Variants in HERC2 observed in about 807,000 individuals in gnomAD.
The protein encoded by HERC2 is HECT and RLD domain containing E3 ubiquitin protein ligase 2, also known as E3 ubiquitin-protein ligase HERC2.
A neutral mutation model predicts 537.7 loss-of-function variants in HERC2; 102 were observed. That is an observed-to-expected ratio of 0.19 (90% confidence interval 0.16 to 0.22). HERC2 has a LOEUF of 0.22. Among genes scored for constraint, HERC2 ranks in the 10% least tolerant of loss-of-function variants. The pLI, the probability that HERC2 is intolerant of heterozygous loss-of-function variation, is 1.00. For missense variants in HERC2, 4,236 were observed against 6,198.2 expected (o/e 0.68, Z 10.63); for synonymous variants, 2,224 against 2,466.2 (o/e 0.90, Z 2.91).
Position 28,270,821 on chromosome 15 carries a change from G to A in HERC2, c.1131C>T (p.Leu377=). 1.9e-6 allele frequency: 3 copies of A among 1,613,966 alleles called. No homozygotes were observed. Among genetic ancestry groups the A allele is most frequent in the Middle Eastern group, 1.7e-4 (1 of 6,044 alleles). ...LSPNESFLRY[L]TLPQDNELAI... is the part of the protein sequence containing the mutation. ...CAAGCTCGTTGTCTTGTGGAAGGGTGAGGTACCTCAGGAAACTCTCATTGG... is the reference window on the plus strand; with the variant it reads ...CAAGCTCGTTGTCTTGTGGAAGGGTAAGGTACCTCAGGAAACTCTCATTGG... Residue 377 remains leucine (L), a synonymous_variant, in exon 10 of 93, where the codon CTC becomes CTT. Transcript: ENST00000261609.
rs909388772 is a variant in HERC2, at chr15:28,122,109, G to A, written c.13189-680C>T. On this transcript the variant is annotated intron_variant, in intron 85 of 92. Transcript: ENST00000261609. The surrounding 1 kb of genome is among the most constrained non-coding windows in gnomAD (Gnocchi z 4.1). ...TGGATCGGGACAGAAAAGACAGACC[G>A]GGGAGGGGAAACAAGGTCCTGGCTG... 0.05 allele frequency among the ~76,000 whole-genome samples: 8 copies of A among 160 alleles called. No individual in the cohort carries two copies. Among genetic ancestry groups the A allele is most frequent in the African/African-American group, 0.06 (6 of 100 alleles). 0.1% of individuals were successfully genotyped at this position (160 alleles called of 152,430 possible).
intron 3 of HERC2, among the ~76,000 whole-genome samples, chr15:28,295,308 T>TGGGGGG (rs3079935): frequency 5.0e-5 from 4 of 79,622 alleles, no homozygotes; most frequent in African/African-American, 9.5e-5. Flanking sequence ...TACATGTGTG[T>TGGGGGG]GGGGGGGGGG....
chr15:28,269,243 C>A lies in HERC2; in HGVS notation c.1446+5G>T. The stretch of plus-strand genomic sequence containing the variant: ...CACTGCAGGCACAGTGCCCAGAACA[C>A]TCACCAGCGTGTCACTATTATAGGC... On this transcript the variant is annotated splice_donor_5th_base_variant and intron_variant, in intron 11 of 92. Coordinates refer to ENST00000261609, the MANE Select transcript of HERC2 (RefSeq NM_004667.6). The A allele has an allele frequency of 6.2e-7, 1 of 1,612,018 alleles. No homozygotes were observed. Among genetic ancestry groups the A allele is most frequent in the Non-Finnish European group, 8.5e-7 (1 of 1,178,846 alleles).
At chr15:28,251,442 CG>C (rs773028546) in intron 20 of HERC2, among the ~76,000 whole-genome samples, 5 of 147,012 alleles carry the variant, frequency 3.4e-5, no homozygotes, top group Admixed American at 1.4e-4. Flanking sequence ...GGCTCCATCT[CG>C]GGGGAAAAAA....
chr15:28,112,718 C>T (rs763503700), intron 92 of HERC2, among the ~76,000 whole-genome samples: 1 of 152,106 alleles, frequency 6.6e-6, no homozygotes, highest in Non-Finnish European at 1.5e-5. Context: ...CTCAATCCAA[C>T]GAGCGGCCTC....
In HERC2 at chr15:28,186,613, T is replaced by C; in HGVS notation, c.8789A>G (p.Asn2930Ser). 1 of 1,614,140 alleles carries C rather than the reference T, an allele frequency of 6.2e-7. No homozygotes were observed. The highest frequency in any genetic ancestry group is 8.5e-7 in the Non-Finnish European group (1 of 1,180,010). ...LAAVPFLASD[N>S]EEEEDEKGNS... is the part of the protein sequence containing the mutation. ...GCCTTTCTCATCCTCCTCCTCTTCATTATCCGAAGCTAAGAAAGGAACTGC... is the reference window on the plus strand; with the variant it reads ...GCCTTTCTCATCCTCCTCCTCTTCACTATCCGAAGCTAAGAAAGGAACTGC... The change falls in exon 56 of 93, where the codon AAT becomes AGT. Residue 2930 changes from asparagine to serine, a missense_variant. This residue lies in a region of HERC2 where 606 missense variants were observed against 884.5 expected (regional missense o/e 0.69). Coordinates refer to ENST00000261609, the MANE Select transcript of HERC2 (RefSeq NM_004667.6).
At chr15:28,209,403 A>G (rs960557967) in intron 44 of HERC2, among the ~76,000 whole-genome samples, 20 of 151,794 alleles carry the variant, frequency 1.3e-4, no homozygotes, top group Admixed American at 6.6e-4. Flanking sequence ...GAGTGCAGTG[A>G]CACGATCTCG....
chr15:28,191,088 G>C (rs1470539202), intron 54 of HERC2, 32 bp from the exon 55 acceptor site: 8 of 1,592,168 alleles, frequency 5.0e-6, no homozygotes, highest in Non-Finnish European at 6.9e-6. Flanking sequence ...ATCAAACAAA[G>C]GCGTCTTTAT....
intron 72 of HERC2, 122 bp downstream of exon 72, chr15:28,144,551 A>T: frequency 7.4e-7 from 1 of 1,353,364 alleles, no homozygotes; most frequent in Non-Finnish European, 1.0e-6. Context: ...GAGAGCACTC[A>T]CTCCAACACA....
rs751891639 is a variant in HERC2 at position 28,229,335 on chromosome 15, G to A, written c.5132C>T (p.Thr1711Ile). 46 of 1,612,582 alleles carry A rather than the reference G, an allele frequency of 2.9e-5. No homozygotes were observed. The highest frequency in any genetic ancestry group is 3.7e-5 in the Non-Finnish European group (44 of 1,178,750). Residue 1711 changes from threonine (T) to isoleucine (I), a missense_variant, in exon 34 of 93, where the codon ACT becomes ATT. Coordinates refer to ENST00000261609, the MANE Select transcript of HERC2 (RefSeq NM_004667.6). ...PEGIDIGEPL[T>I]DCLKDVDLIP... is the part of the protein sequence containing the mutation. ...CAAATCAACATCCTTTAAACAATCAGTAAGAGGTTCCCTTTCAAATAAAGA... is the reference window on the plus strand; with the variant it reads ...CAAATCAACATCCTTTAAACAATCAATAAGAGGTTCCCTTTCAAATAAAGA...
rs1566924390 is a variant in HERC2 at position 28,130,260 on chromosome 15, G to A, written c.12705C>T (p.Asp4235=). 3 of 1,614,116 alleles carry A rather than the reference G, an allele frequency of 1.9e-6. No individual in the cohort carries two copies. Among genetic ancestry groups the A allele is most frequent in the Non-Finnish European group, 2.5e-6 (3 of 1,180,026 alleles). The change falls in exon 83 of 93, where the codon GAC becomes GAT. Residue 4235 remains aspartate (D), a synonymous_variant. Coordinates refer to ENST00000261609, the MANE Select transcript of HERC2 (RefSeq NM_004667.6). Reference sequence around the variant, plus strand: ...GGACCTGCCGAGGCCTTCGAACATGGTCATCTGATCCATGGCCCAACCTGT... The same window carrying A: ...GGACCTGCCGAGGCCTTCGAACATGATCATCTGATCCATGGCCCAACCTGT... ...DYHRLGHGSD[D]HVRRPRQVQG... is the part of the protein sequence containing the mutation.
Position 28,246,879 on chromosome 15 carries a change from A to G in HERC2, c.3254T>C (p.Val1085Ala). ...SDISSPELMG[V>A]GSLLKKYTAL... ...TGTGTACTTCTTCAGCAAGGAACCA[A>G]CACCCATTAGCTCTGGACCTTGAAG... The change falls in exon 22 of 93, where the codon GTT becomes GCT. Residue 1085 changes from valine (V) to alanine (A), a missense_variant. Physicochemically the swap from Val to Ala is moderately conservative, Grantham distance 64. Transcript: ENST00000261609. The G allele has an allele frequency of 6.2e-7, 1 of 1,609,000 alleles. No individual in the cohort carries two copies. Among genetic ancestry groups the G allele is most frequent in the South Asian group, 1.1e-5 (1 of 89,556 alleles).
In HERC2 at chr15:28,254,604, G is replaced by A. The variant is rs2075195238; in HGVS notation, c.2872-86C>T. ...AGGCTGGCTGAGCCCTAACCCCAGT[G>A]CCAAGCTATCCCAGCCTCTGTGGCT... On this transcript the variant is annotated intron_variant, in intron 19 of 92. Coordinates refer to ENST00000261609, the MANE Select transcript of HERC2 (RefSeq NM_004667.6). The A allele has an allele frequency of 2.6e-5, 22 of 844,618 alleles. No homozygotes were observed. The South Asian group carries it at 3.7e-4, about 14-fold the overall frequency. The allele number at this position is 844,618 out of a possible 1,614,324, so 52.3% of individuals were successfully genotyped here.
intron 2 of HERC2, among the ~76,000 whole-genome samples, chr15:28,316,507 T>C (rs1454887170): frequency 6.6e-6 from 1 of 152,212 alleles, no homozygotes; most frequent in Admixed American, 6.5e-5. Flanking sequence ...CAAAATGCTC[T>C]CAATTAACCT....
chr15:28,112,333 G>A (rs1887735975), intron 92 of HERC2, among the ~76,000 whole-genome samples: 3 of 152,164 alleles, frequency 2.0e-5, no homozygotes, highest in African/African-American at 4.8e-5. Context: ...GACCAGGCAC[G>A]TGACCACGGG....
At chr15:28,310,562 T>C (rs2076913892) in intron 2 of HERC2, among the ~76,000 whole-genome samples, 1 of 152,192 alleles carries the variant, frequency 6.6e-6, no homozygotes, top group South Asian at 2.1e-4. Context: ...GGTTTGACTC[T>C]TCTAGTCTTC....
intron 8 of HERC2, 152 bp from the exon 9 acceptor site, chr15:28,272,538 G>T: frequency 1.4e-6 from 1 of 739,948 alleles, no homozygotes; most frequent in Non-Finnish European, 2.2e-6. Context: ...TTAAATCACT[G>T]AATTGACACC....
At chr15:28,286,236 TAGAAGCTAATATTA>T (rs1199672922) in intron 4 of HERC2, among the ~76,000 whole-genome samples, 11 of 151,896 alleles carry the variant, frequency 7.2e-5, no homozygotes, top group Admixed American at 3.9e-4. Context: ...TAGAAGCTAA[TAGAAGCTAATATTA>T]AGAAGCTAAT....
At chr15:28,237,372 T>C (rs1902574244) in intron 25 of HERC2, among the ~76,000 whole-genome samples, 1 of 152,232 alleles carries the variant, frequency 6.6e-6, no homozygotes, top group Non-Finnish European at 1.5e-5. Flanking sequence ...ATACATGATT[T>C]GGCTAGAATA....
Sources: gnomAD v4.1 joint callset for allele counts (sites outside exome capture counted in the v4.1 genomes callset) on GRCh38, gnomAD v4.1.1 for gene constraint, gnomAD v4.1.1 regional missense constraint, Gnocchi (gnomAD v3.1) non-coding constraint, MANE v1.5 for transcripts, NCBI Gene and HGNC (gene_info 2026-07-23, HGNC 2026-07-21) for gene names.